Variants in PHLDB2 observed in about 807,000 individuals in gnomAD.
PHLDB2 encodes pleckstrin homology-like domain family B member 2.
In PHLDB2, 71 loss-of-function variants were observed where a neutral mutation model predicts 123.6. The ratio of observed to expected loss-of-function variants is 0.57; its 90% confidence interval spans 0.47 to 0.70. The LOEUF is 0.70. Among genes scored for constraint, PHLDB2 ranks in the 30% least tolerant of loss-of-function variants. The pLI, the probability that PHLDB2 is intolerant of heterozygous loss-of-function variation, is 0.00. For synonymous variants in PHLDB2, 547 were observed against 541.6 expected, an observed-to-expected ratio of 1.01 and a Z score of -0.14; for missense variants, 1,446 against 1,519.5, an observed-to-expected ratio of 0.95 and a Z score of 0.80.
intron 1 of PHLDB2, among the ~76,000 whole-genome samples, chr3:111,751,321 T>C (rs889945697): frequency 2.6e-5 from 4 of 152,140 alleles, no homozygotes; most frequent in Non-Finnish European, 4.4e-5. Context: ...AGAAATATCT[T>C]GCACTGACTC....
At chr3:111,873,284 GTGTATATT>G (rs1341552292) in intron 1 of PHLDB2, among the ~76,000 whole-genome samples, 1 of 152,168 alleles carries the variant, frequency 6.6e-6, no homozygotes, top group Admixed American at 6.6e-5. Flanking sequence ...TTTAGAAAAA[GTGTATATT>G]TGAGAGGAGG....
intron 1 of PHLDB2, among the ~76,000 whole-genome samples, chr3:111,880,763 T>C (rs1368067309): frequency 2.6e-5 from 4 of 152,036 alleles, no homozygotes; most frequent in Non-Finnish European, 5.9e-5. Context: ...TTAAAAAATA[T>C]ATAAATAAAT....
At chr3:111,813,057 T>G (rs773066971) in intron 1 of PHLDB2, among the ~76,000 whole-genome samples, 1 of 152,152 alleles carries the variant, frequency 6.6e-6, no homozygotes, top group South Asian at 2.1e-4. Context: ...TCTAGCAGAG[T>G]GCTTTAGCAC....
chr3:111,818,674 A>G lies in PHLDB2; in HGVS notation c.-48-27147A>G, dbSNP rs528252610. 2.0e-5 allele frequency among the ~76,000 whole-genome samples: 3 copies of G among 152,322 alleles called. No individual in the cohort carries two copies. In the East Asian group the frequency reaches 5.8e-4, roughly 29 times the overall value. On this transcript the variant is annotated intron_variant, in intron 1 of 17. Coordinates refer to the PHLDB2 transcript ENST00000393923. ...CTAGAGCCTTACTAGCACCAGAGTG[A>G]AAGACAAAAATAGGGCTTTAAAATT... is the stretch of plus-strand genomic sequence containing the variant.
chr3:111,797,837 T>C (rs1274344571), intron 1 of PHLDB2, among the ~76,000 whole-genome samples: 7 of 152,202 alleles, frequency 4.6e-5, no homozygotes. Flanking sequence ...ATTACTCAAT[T>C]GTAGAGAAAT....
At chr3:111,850,496 T>C (rs2064202906) in intron 2 of PHLDB2, among the ~76,000 whole-genome samples, 1 of 152,202 alleles carries the variant, frequency 6.6e-6, no homozygotes, top group South Asian at 2.1e-4. Flanking sequence ...AGGATAGTCA[T>C]AAATTCAAAT....
chr3:111,903,422 G>A (rs1230065274), intron 2 of PHLDB2, among the ~76,000 whole-genome samples: 1 of 152,236 alleles, frequency 6.6e-6, no homozygotes, highest in Non-Finnish European at 1.5e-5. Context: ...ACTGGGCAGA[G>A]CTCTGTTGCC....
At chr3:111,867,646 TATC>T (rs1031391977) in intron 1 of PHLDB2, among the ~76,000 whole-genome samples, 1 of 152,184 alleles carries the variant, frequency 6.6e-6, no homozygotes, top group Non-Finnish European at 1.5e-5. Flanking sequence ...ACCACAGCAT[TATC>T]ATCTAGTTTC....
At chr3:111,957,813 C>T (rs579082) in intron 12 of PHLDB2, among the ~76,000 whole-genome samples, 48,126 of 151,962 alleles carry the variant, frequency 0.32, 8,311 homozygotes, top group African/African-American at 0.44. Context: ...GGATGTTAGA[C>T]GATGTGTTAT....
chr3:111,940,015 C>T (rs1163911503), intron 7 of PHLDB2, among the ~76,000 whole-genome samples: 1 of 152,108 alleles, frequency 6.6e-6, no homozygotes, highest in Admixed American at 6.5e-5. Flanking sequence ...TAGCTTATTA[C>T]CATTAGAAGT....
At chr3:111,752,752 C>T (rs2059804410) in intron 1 of PHLDB2, among the ~76,000 whole-genome samples, 1 of 151,886 alleles carries the variant, frequency 6.6e-6, no homozygotes, top group African/African-American at 2.4e-5. Context: ...CACCCATTAA[C>T]TCCTCATTTA....
At chr3:111,869,293 C>G (rs1025080661) in intron 1 of PHLDB2, among the ~76,000 whole-genome samples, 3 of 152,092 alleles carry the variant, frequency 2.0e-5, no homozygotes, top group Admixed American at 6.5e-5. Context: ...GTGCTCCACT[C>G]CTTCCATCTG....
intron 5 of PHLDB2, among the ~76,000 whole-genome samples, chr3:111,928,301 A>G (rs1259814785): frequency 1.3e-5 from 2 of 152,244 alleles, no homozygotes; most frequent in Admixed American, 6.5e-5. Context: ...TGGATCCTGT[A>G]TTAATGTTCT....
intron 1 of PHLDB2, 114 bp downstream of exon 1, chr3:111,859,690 C>T: frequency 1.0e-6 from 1 of 985,088 alleles, no homozygotes; most frequent in South Asian, 4.7e-5. Flanking sequence ...CCGCCGGTTG[C>T]GCTGCGGAGG....
intron 1 of PHLDB2, among the ~76,000 whole-genome samples, chr3:111,764,922 A>G (rs2060054689): frequency 6.6e-6 from 1 of 152,204 alleles, no homozygotes; most frequent in African/African-American, 2.4e-5. Flanking sequence ...CTGAGTGAGA[A>G]CTTGCTAATA....
chr3:111,779,621 G>T lies in PHLDB2; in HGVS notation c.-49+46918G>T, dbSNP rs72947140. On this transcript the variant is annotated intron_variant, in intron 1 of 17. Coordinates refer to the PHLDB2 transcript ENST00000393923. ...TTATGGCTGCATAGTATATTCCATG[G>T]TGTATATGTACTACATTTTCTTTTT... Among the ~76,000 whole-genome samples, 747 of 152,180 alleles carry T rather than the reference G, an allele frequency of 4.9e-3. 3 individuals carry two copies. The highest frequency in any genetic ancestry group is 0.017 in the African/African-American group (706 of 41,518).
chr3:111,966,555 T>TG, intron 13 of PHLDB2, 58 bp from the exon 14 acceptor site: 1 of 1,138,382 alleles, frequency 8.8e-7, no homozygotes, highest in South Asian at 1.3e-5. Context: ...TGTGTATGTA[T>TG]TAGAGAGACT....
Position 111,954,161 on chromosome 3 carries a change from GT to G in PHLDB2, c.2872+134del, listed in dbSNP as rs1176563917. On this transcript the variant is annotated intron_variant, in intron 12 of 17. Coordinates refer to ENST00000431670, the MANE Select transcript of PHLDB2 (RefSeq NM_001134438.2). ...AAAGGCCTAATTTTACTCTTAATGT[GT>G]TCTCTTTCGGGAGGGATATATAACT... The G allele has an allele frequency of 3.2e-5, 22 of 694,292 alleles. No homozygotes were observed. In the African/African-American group the frequency reaches 3.8e-4, roughly 12 times the overall value. The allele number at this position is 694,292 out of a possible 1,614,324, so 43.0% of individuals were successfully genotyped here.
chr3:111,790,320 AT>A (rs1379380023), intron 1 of PHLDB2, among the ~76,000 whole-genome samples: 2 of 152,186 alleles, frequency 1.3e-5, no homozygotes, highest in Non-Finnish European at 2.9e-5. Context: ...CAGGAAGTTC[AT>A]TGTGTCTCCT....
Sources: gnomAD v4.1 joint callset for allele counts (sites outside exome capture counted in the v4.1 genomes callset) on GRCh38, gnomAD v4.1.1 for gene constraint, MANE v1.5 for transcripts, NCBI Gene and HGNC (gene_info 2026-07-23, HGNC 2026-07-21) for gene names.